Variants in DCDC1 observed in about 807,000 individuals in gnomAD.
DCDC1 encodes the protein doublecortin domain-containing protein 1.
In DCDC1, 200 loss-of-function variants were observed where a neutral mutation model predicts 178.3. The observed-to-expected ratio is 1.12, with a 90% CI of 1.00 to 1.26. The LOEUF (loss-of-function observed/expected upper bound fraction) is 1.26, where lower values mean the gene tolerates loss of function less well. Ranked by LOEUF, DCDC1 falls within the 50% of genes most tolerant of loss-of-function variation. DCDC1 has a pLI of 0.00. For synonymous variants in DCDC1, 690 were observed against 604.8 expected (o/e 1.14, Z -2.07); for missense variants, 1,983 against 1,749.2 (o/e 1.13, Z -2.38).
intron 18 of DCDC1, among the ~76,000 whole-genome samples, chr11:31,068,286 C>A (rs995382269): frequency 6.6e-6 from 1 of 151,984 alleles, no homozygotes; most frequent in Non-Finnish European, 1.5e-5. Context: ...TATTTTGATA[C>A]CTGTATACAA....
At chr11:31,066,466 G>A (rs1265678086) in intron 18 of DCDC1, among the ~76,000 whole-genome samples, 1 of 152,168 alleles carries the variant, frequency 6.6e-6, no homozygotes, top group East Asian at 1.9e-4. Context: ...TTTTTAAAGT[G>A]TGGAGCTAAA....
chr11:31,174,272 C>T (rs1295896436), intron 9 of DCDC1, among the ~76,000 whole-genome samples: 1 of 152,228 alleles, frequency 6.6e-6, no homozygotes, highest in Admixed American at 6.5e-5. Flanking sequence ...CTGTCCTCTC[C>T]CAGTTCCAAT....
At chr11:31,249,546 G>A (rs1943821140) in intron 8 of DCDC1, among the ~76,000 whole-genome samples, 1 of 152,154 alleles carries the variant, frequency 6.6e-6, no homozygotes, top group Admixed American at 6.6e-5. Flanking sequence ...CCATGTCTAA[G>A]AAACCCTGGA....
intron 20 of DCDC1, among the ~76,000 whole-genome samples, chr11:31,062,877 T>C (rs1482947094): frequency 1.3e-5 from 2 of 151,348 alleles, no homozygotes; most frequent in African/African-American, 4.9e-5. Context: ...ACATGTGCCA[T>C]GTTGGTGTGC....
chr11:31,130,809 C>A (rs1962332456), intron 10 of DCDC1, among the ~76,000 whole-genome samples: 1 of 151,836 alleles, frequency 6.6e-6, no homozygotes, highest in Non-Finnish European at 1.5e-5. Context: ...CTTTGGATAT[C>A]ATGGGAATGG....
At chr11:31,119,368 T>C (rs1346888075) in intron 11 of DCDC1, among the ~76,000 whole-genome samples, 2 of 152,224 alleles carry the variant, frequency 1.3e-5, no homozygotes, top group Admixed American at 6.5e-5. Context: ...CATGTTTTAC[T>C]AACTGTACCT....
At chr11:31,126,946 CT>C (rs1165275736) in intron 11 of DCDC1, among the ~76,000 whole-genome samples, 1 of 152,128 alleles carries the variant, frequency 6.6e-6, no homozygotes, top group Admixed American at 6.5e-5. Context: ...ACCAATTCAC[CT>C]TTTTTCCCAG....
intron 11 of DCDC1, among the ~76,000 whole-genome samples, chr11:31,113,713 A>G (rs1393072799): frequency 6.6e-6 from 1 of 152,070 alleles, no homozygotes; most frequent in Non-Finnish European, 1.5e-5. Flanking sequence ...GGCAGGGCAT[A>G]ACCCCATCGT....
intron 9 of DCDC1, among the ~76,000 whole-genome samples, chr11:31,198,537 C>A (rs1401176259): frequency 4.6e-5 from 7 of 151,998 alleles, no homozygotes. Context: ...TAGCAGGGAG[C>A]TAAACCTCTG....
intron 22 of DCDC1, among the ~76,000 whole-genome samples, chr11:30,926,697 T>G (rs163881): frequency 0.68 from 102,752 of 152,106 alleles, 35,080 homozygotes; most frequent in Middle Eastern, 0.8. Flanking sequence ...ATGCTCATCA[T>G]CAAGACATAG....
intron 36 of DCDC1, chr11:30,883,501 C>A: frequency 2.2e-6 from 1 of 459,698 alleles, no homozygotes; most frequent in Non-Finnish European, 4.5e-6. Context: ...TCCATGTCTT[C>A]AGATAAAGTA....
In DCDC1 at chr11:31,127,591, C is replaced by A; in HGVS notation, c.1363G>T (p.Gly455Cys). 1.4e-6 allele frequency: 1 copy of A among 702,598 alleles called. No individual in the cohort carries two copies. Among genetic ancestry groups the A allele is most frequent in the Non-Finnish European group, 2.6e-6 (1 of 384,742 alleles). 43.5% of individuals were successfully genotyped at this position (702,598 alleles called of 1,614,324 possible). ...ELQTAIKSNIGHLCKLGPQLQ... is the reference protein window; with the variant it reads ...ELQTAIKSNICHLCKLGPQLQ... The stretch of plus-strand genomic sequence containing the variant: ...TGGGGGCCAAGTTTACAGAGATGAC[C>A]TATGTTACTTTTGATAGCTGTCTGC... Residue 455 changes from glycine (G) to cysteine (C), a missense_variant, in exon 11 of 39, where the codon GGT becomes TGT. Physicochemically the swap from Gly to Cys is radical, Grantham distance 159. Transcript: ENST00000684477.
intron 9 of DCDC1, among the ~76,000 whole-genome samples, chr11:31,183,043 A>G (rs2136297411): frequency 6.6e-6 from 1 of 152,342 alleles, no homozygotes; most frequent in Non-Finnish European, 1.5e-5. Context: ...ATGCAACAAG[A>G]AGAGTTAACT....
chr11:31,344,719 G>A (rs61879888), intron 1 of DCDC1, among the ~76,000 whole-genome samples: 43,869 of 152,100 alleles, frequency 0.29, 7,115 homozygotes, highest in Non-Finnish European at 0.35. Context: ...TGCAAGTGCG[G>A]ATAGTTGTAA....
chr11:30,879,441 C>G (rs1054753054), intron 37 of DCDC1, among the ~76,000 whole-genome samples: 1 of 152,152 alleles, frequency 6.6e-6, no homozygotes, highest in Admixed American at 6.5e-5. Flanking sequence ...TTCTAAAGAA[C>G]GACTAAATCA....
intron 21 of DCDC1, among the ~76,000 whole-genome samples, chr11:30,932,356 A>G (rs1348769928): frequency 6.6e-6 from 1 of 152,206 alleles, no homozygotes; most frequent in African/African-American, 2.4e-5. Context: ...TTGGCAAAAA[A>G]GGAATATATT....
chr11:30,929,113 T>G (rs1946768737), intron 22 of DCDC1, among the ~76,000 whole-genome samples: 1 of 152,138 alleles, frequency 6.6e-6, no homozygotes, highest in African/African-American at 2.4e-5. Flanking sequence ...TGATCAAATA[T>G]AACTAACCAT....
intron 20 of DCDC1, among the ~76,000 whole-genome samples, chr11:31,035,621 T>C (rs762420878): frequency 6.6e-6 from 1 of 152,244 alleles, no homozygotes. Flanking sequence ...ACCAGTGATG[T>C]TACCTTTGAT....
chr11:31,047,453 G>A (rs1356186254), intron 20 of DCDC1, among the ~76,000 whole-genome samples: 1 of 152,090 alleles, frequency 6.6e-6, no homozygotes, highest in African/African-American at 2.4e-5. Flanking sequence ...CTGTTCATTA[G>A]TTTTTTAAGG....
Sources: allele counts gnomAD v4.1 joint callset (sites outside exome capture counted in the v4.1 genomes callset), GRCh38; gene constraint gnomAD v4.1.1; transcripts MANE v1.5; gene names NCBI Gene and HGNC (gene_info 2026-07-23, HGNC 2026-07-21).